Variants in F13A1 observed in about 807,000 individuals in gnomAD.
F13A1 encodes the protein FSF, A subunit.
In F13A1, 47 loss-of-function variants were observed where a neutral mutation model predicts 80.1. The ratio of observed to expected loss-of-function variants is 0.59; its 90% CI spans 0.46 to 0.75. F13A1 has a LOEUF of 0.75. Among genes scored for constraint, F13A1 ranks in the 30% least tolerant of loss-of-function variants. The pLI is 0.00. For missense variants in F13A1, 817 were observed against 930.4 expected (o/e 0.88, Z 1.59); for synonymous variants, 349 against 344.9 (o/e 1.01, Z -0.13).
chr6:6,249,271 C>T (rs1473102045), intron 5 of F13A1, among the ~76,000 whole-genome samples: 1 of 152,242 alleles, frequency 6.6e-6, no homozygotes, highest in Non-Finnish European at 1.5e-5. Flanking sequence ...AGAATACCCA[C>T]TCTGGGTGTA....
chr6:6,229,675 G>A (rs1338990390), intron 6 of F13A1, among the ~76,000 whole-genome samples: 2 of 152,202 alleles, frequency 1.3e-5, no homozygotes, highest in African/African-American at 2.4e-5. Flanking sequence ...CAGGTCGACT[G>A]CAAGAACAAA....
At position 6,151,757 on chromosome 6, in the gene F13A1, A is replaced by G. The variant is rs1222699786; in HGVS notation, c.2045+56T>C. 14 of 1,611,328 alleles carry G rather than the reference A, an allele frequency of 8.7e-6. No individual in the cohort carries two copies. The East Asian group carries it at 2.9e-4, about 33-fold the overall frequency. ...CTATGTTTGGAAAAGACACACACAG[A>G]GAAAGCTTCCCACAGCCCTGCACTG... On this transcript the variant is annotated intron_variant, in intron 14 of 14. Transcript: ENST00000264870.
At chr6:6,218,812 C>A (rs1757143129) in intron 8 of F13A1, among the ~76,000 whole-genome samples, 1 of 152,186 alleles carries the variant, frequency 6.6e-6, no homozygotes, top group African/African-American at 2.4e-5. Flanking sequence ...CAGCAAGAGA[C>A]AGAGCCAAAC....
In F13A1 at chr6:6,300,437, T is replaced by A. The variant is rs539699825; in HGVS notation, c.319+4914A>T. The stretch of plus-strand genomic sequence containing the variant: ...CCTCTGATCCAGGTGCGGGATATAA[T>A]CTCCTGATGCGCCGTTTTTTAAGCC... On this transcript the variant is annotated intron_variant, in intron 3 of 14. Transcript: ENST00000264870. Among the ~76,000 whole-genome samples the A allele has an allele frequency of 3.0e-4, 45 of 151,976 alleles. No homozygotes were observed. In the Middle Eastern group the frequency reaches 0.017, roughly 57 times the overall value.
chr6:6,168,549 G>C (rs1583052624), intron 12 of F13A1, among the ~76,000 whole-genome samples: 2 of 152,228 alleles, frequency 1.3e-5, no homozygotes, highest in South Asian at 2.1e-4. Flanking sequence ...CTCCGCAGGT[G>C]AATGGGTGAC....
intron 14 of F13A1, among the ~76,000 whole-genome samples, chr6:6,149,643 T>C (rs982540070): frequency 1.3e-5 from 2 of 152,182 alleles, no homozygotes; most frequent in Non-Finnish European, 2.9e-5. Flanking sequence ...AGGAACCGAA[T>C]TGGTCGGCAC....
chr6:6,313,087 T>C (rs1442020598), intron 2 of F13A1, among the ~76,000 whole-genome samples: 1 of 152,200 alleles, frequency 6.6e-6, no homozygotes, highest in Non-Finnish European at 1.5e-5. Flanking sequence ...TCCCTTGCCA[T>C]GGAGTGTGTT....
intron 6 of F13A1, among the ~76,000 whole-genome samples, chr6:6,230,207 G>T (rs757580719): frequency 6.6e-6 from 1 of 152,052 alleles, no homozygotes; most frequent in Non-Finnish European, 1.5e-5. Flanking sequence ...GGTTTTCAAG[G>T]CCATCTTGCC....
In F13A1 at chr6:6,318,622, C is replaced by A. The variant is rs367893759; in HGVS notation, c.43G>T (p.Val15Phe). The A allele has an allele frequency of 1.2e-6, 2 of 1,612,826 alleles. No individual in the cohort carries two copies. The highest frequency in any genetic ancestry group is 4.5e-5 in the East Asian group (2 of 44,824). The change falls in exon 2 of 15, where the codon GTT becomes TTT. Residue 15 changes from valine (V) to phenylalanine (F), a missense_variant. Coordinates refer to ENST00000264870, the MANE Select transcript of F13A1 (RefSeq NM_000129.4). ...SRTAFGGRRA[V>F]PPNNSNAAED... ...GCTGCATTAGAGTTATTGGGTGGAACTGCTCTTCTGCCTCCAAAGGCGGTC... is the reference window on the plus strand; with the variant it reads ...GCTGCATTAGAGTTATTGGGTGGAAATGCTCTTCTGCCTCCAAAGGCGGTC...
intron 9 of F13A1, 54 bp from the exon 10 acceptor site, chr6:6,195,939 G>A: frequency 6.7e-7 from 1 of 1,483,756 alleles, no homozygotes; most frequent in South Asian, 1.1e-5. Context: ...ATTCTGTCCA[G>A]ATACTGCAAG....
At chr6:6,316,102 T>C (rs1309832787) in intron 2 of F13A1, among the ~76,000 whole-genome samples, 387 of 34,614 alleles carry the variant, frequency 0.011, 32 homozygotes, top group African/African-American at 0.038. Context: ...TATATATATA[T>C]ATATATATAT....
chr6:6,194,884 G>A (rs974463033), intron 10 of F13A1, among the ~76,000 whole-genome samples: 2 of 152,156 alleles, frequency 1.3e-5, no homozygotes, highest in African/African-American at 4.8e-5. Context: ...TTAGCTAGAT[G>A]GTTGTGAGAA....
In F13A1 at chr6:6,234,360, G is replaced by A. The variant is rs1283608052; in HGVS notation, c.799-9500C>T. Among the ~76,000 whole-genome samples the A allele has an allele frequency of 4.0e-5, 6 of 151,764 alleles. 1 individual carries two copies. The highest frequency in any genetic ancestry group is 4.1e-4 in the South Asian group (2 of 4,822). On this transcript the variant is annotated intron_variant, in intron 6 of 14. Transcript: ENST00000264870. ...TCAGCCCCCTTTTACACACATTGTC[G>A]AACATGAAGTACTTCAGGGAATATG...
rs528189805 is a variant in F13A1 at position 6,189,702 on chromosome 6, T to C, written c.1305+6095A>G. Among the ~76,000 whole-genome samples the C allele has an allele frequency of 6.6e-4, 97 of 146,520 alleles. 1 individual carries two copies. The highest frequency in any genetic ancestry group is 2.0e-3 in the African/African-American group (81 of 40,140). On this transcript the variant is annotated intron_variant, in intron 10 of 14. Transcript: ENST00000264870. ...TTGGTGAATCTGACAATTATGTGTC[T>C]TGGAGTTGCTCTTCTCGAGGAGTAT...
Position 6,145,510 on chromosome 6 carries a change from T to A in F13A1, c.*109A>T. 7.1e-7 allele frequency: 1 copy of A among 1,414,314 alleles called. No individual in the cohort carries two copies. 87.6% of individuals were successfully genotyped at this position (1,414,314 alleles called of 1,614,324 possible). On this transcript the variant is annotated 3_prime_UTR_variant, in exon 15 of 15. Coordinates refer to ENST00000264870, the MANE Select transcript of F13A1 (RefSeq NM_000129.4). ...CACTCTGGAGCCCTCTGCAGTCCTGTCTGGGTCTTCACACCTAAGTCAAAG... is the reference window on the plus strand; with the variant it reads ...CACTCTGGAGCCCTCTGCAGTCCTGACTGGGTCTTCACACCTAAGTCAAAG...
intron 6 of F13A1, among the ~76,000 whole-genome samples, chr6:6,240,456 G>T (rs1742922): frequency 0.52 from 78,463 of 151,810 alleles, 21,511 homozygotes; most frequent in African/African-American, 0.71. Context: ...TCATGTGACC[G>T]GGAGAGAGGA....
At chr6:6,177,894 G>C (rs1760910579) in intron 11 of F13A1, among the ~76,000 whole-genome samples, 1 of 152,174 alleles carries the variant, frequency 6.6e-6, no homozygotes, top group South Asian at 2.1e-4. Context: ...TGGGGGGCTT[G>C]GCTTGTTGGA....
chr6:6,175,063 C>T (rs1218051382), intron 11 of F13A1, among the ~76,000 whole-genome samples, 196 bp from the exon 12 acceptor site: 1 of 152,112 alleles, frequency 6.6e-6, no homozygotes, highest in Non-Finnish European at 1.5e-5. Context: ...AGTCAGTGAC[C>T]AGCCTAGGCT....
At chr6:6,309,170 G>A (rs1758556335) in intron 2 of F13A1, among the ~76,000 whole-genome samples, 2 of 151,158 alleles carry the variant, frequency 1.3e-5, no homozygotes, top group Admixed American at 6.9e-5. Context: ...GCTATTTTAT[G>A]TTGCCACTCA....
Sources: allele counts gnomAD v4.1 joint callset (sites outside exome capture counted in the v4.1 genomes callset), GRCh38; gene constraint gnomAD v4.1.1; transcripts MANE v1.5; gene names NCBI Gene and HGNC (gene_info 2026-07-23, HGNC 2026-07-21).